CCDC148: variants seen among roughly 807,000 people sequenced by gnomAD.
CCDC148 encodes coiled-coil domain-containing protein 148.
In CCDC148, 89 loss-of-function variants were observed where a neutral mutation model predicts 85.7. The ratio of observed to expected loss-of-function variants is 1.04; its 90% CI spans 0.87 to 1.24. The LOEUF (loss-of-function observed/expected upper bound fraction) is 1.24, where lower values mean the gene tolerates loss of function less well. Ranked by LOEUF, CCDC148 falls within the 50% of genes most tolerant of loss-of-function variation. The pLI is 0.00. For missense variants in CCDC148, 692 were observed against 671.7 expected, an observed-to-expected ratio of 1.03 and a Z score of -0.33; for synonymous variants, 230 against 213.9, an observed-to-expected ratio of 1.08 and a Z score of -0.66.
chr2:158,407,644 CAAGGCTA>C (rs1185179749), intron 1 of CCDC148, among the ~76,000 whole-genome samples: 3 of 152,082 alleles, frequency 2.0e-5, no homozygotes, highest in Non-Finnish European at 4.4e-5. Flanking sequence ...AAGTTAAGGG[CAAGGCTA>C]AAATACTTAG....
At chr2:158,441,606 T>G (rs1687935193) in intron 1 of CCDC148, among the ~76,000 whole-genome samples, 1 of 152,228 alleles carries the variant, frequency 6.6e-6, no homozygotes, top group Admixed American at 6.5e-5. Flanking sequence ...TTCTTTGCTA[T>G]GTGACATCCT....
Position 158,194,715 on chromosome 2 carries a change from G to A in CCDC148, c.1371-15719C>T, listed in dbSNP as rs1558971789. On this transcript the variant is annotated intron_variant, in intron 11 of 13. Transcript: ENST00000283233. ...CCCAGCAACAACGAGATAGAAAATT[G>A]TTATAGTGACCAGCCCCTTGGATAT... Among the ~76,000 whole-genome samples the A allele has an allele frequency of 2.0e-5, 3 of 152,114 alleles. No homozygotes were observed. The South Asian group carries it at 6.2e-4, about 32-fold the overall frequency.
intron 1 of CCDC148, among the ~76,000 whole-genome samples, chr2:158,443,934 C>G (rs1386901459): frequency 6.6e-6 from 1 of 152,142 alleles, no homozygotes; most frequent in Non-Finnish European, 1.5e-5. Context: ...AAGCCATAGT[C>G]AATAGGTTGC....
chr2:158,216,304 ATT>A (rs1462945673), intron 11 of CCDC148, among the ~76,000 whole-genome samples: 5 of 150,732 alleles, frequency 3.3e-5, no homozygotes, highest in African/African-American at 1.2e-4. Context: ...TATTTAAAAT[ATT>A]TTTAAAAATA....
At chr2:158,229,381 A>G (rs1030473317) in intron 10 of CCDC148, among the ~76,000 whole-genome samples, 5 of 152,192 alleles carry the variant, frequency 3.3e-5, no homozygotes, top group African/African-American at 1.2e-4. Context: ...ATATTCAGCT[A>G]AAGTGTCTAA....
chr2:158,259,086 A>AT (rs369264831), intron 9 of CCDC148, among the ~76,000 whole-genome samples: 42 of 150,150 alleles, frequency 2.8e-4, no homozygotes, highest in African/African-American at 7.6e-4. Context: ...TGCACATGCC[A>AT]TTTTTTTTTC....
At chr2:158,318,344 T>C (rs1692372045) in intron 7 of CCDC148, among the ~76,000 whole-genome samples, 1 of 152,026 alleles carries the variant, frequency 6.6e-6, no homozygotes, top group South Asian at 2.1e-4. Context: ...ACAACCAGAA[T>C]AAAGTGAACT....
At chr2:158,289,923 T>C (rs892666594) in intron 9 of CCDC148, among the ~76,000 whole-genome samples, 1 of 152,202 alleles carries the variant, frequency 6.6e-6, no homozygotes, top group African/African-American at 2.4e-5. Flanking sequence ...CTTGATTCTA[T>C]TCACAGGAGT....
chr2:158,295,247 A>G (rs951048248), intron 9 of CCDC148, among the ~76,000 whole-genome samples: 6 of 151,984 alleles, frequency 3.9e-5, no homozygotes, highest in Admixed American at 6.5e-5. Flanking sequence ...TTACCAACCA[A>G]AAAGAATCCA....
At chr2:158,387,342 C>T (rs1685130981) in intron 1 of CCDC148, among the ~76,000 whole-genome samples, 2 of 150,676 alleles carry the variant, frequency 1.3e-5, no homozygotes, top group South Asian at 4.2e-4. Context: ...ATATCTCCAA[C>T]TGCAATACAA....
intron 9 of CCDC148, among the ~76,000 whole-genome samples, chr2:158,277,536 C>T (rs1439688594): frequency 6.6e-6 from 1 of 152,130 alleles, no homozygotes; most frequent in African/African-American, 2.4e-5. Context: ...GGAACTACAC[C>T]ATGTCATTTA....
At chr2:158,227,961 T>C (rs1457485640) in intron 10 of CCDC148, among the ~76,000 whole-genome samples, 3 of 152,044 alleles carry the variant, frequency 2.0e-5, no homozygotes, top group Non-Finnish European at 4.4e-5. Flanking sequence ...ACAAATGGGA[T>C]CTAATTAAAA....
chr2:158,208,548 G>A (rs1043328671), intron 11 of CCDC148, among the ~76,000 whole-genome samples: 2 of 152,120 alleles, frequency 1.3e-5, no homozygotes, highest in African/African-American at 4.8e-5. Context: ...TGGGCAGGGT[G>A]GCACGACAGG....
intron 1 of CCDC148, among the ~76,000 whole-genome samples, chr2:158,377,404 C>CAT (rs10641961): frequency 0.06 from 9,128 of 152,002 alleles, 540 homozygotes; most frequent in African/African-American, 0.15. Flanking sequence ...TGGTCAGTAA[C>CAT]ATGAAATAGT....
In CCDC148 at chr2:158,424,029, A is replaced by G. The variant is rs187524096; in HGVS notation, c.25+32386T>C. Among the ~76,000 whole-genome samples the G allele has an allele frequency of 6.9e-3, 1,044 of 152,318 alleles. 16 individuals are homozygous for G. Among genetic ancestry groups the G allele is most frequent in the African/African-American group, 0.023 (943 of 41,574 alleles). On this transcript the variant is annotated intron_variant, in intron 1 of 13. Transcript: ENST00000283233. ...AAACCACAATGAGATACTATCTCAC[A>G]CCAGTTAGAATGGTGATCATTAAAA...
intron 9 of CCDC148, among the ~76,000 whole-genome samples, chr2:158,308,899 C>A (rs1691826848): frequency 6.6e-6 from 1 of 152,224 alleles, no homozygotes; most frequent in Admixed American, 6.5e-5. Context: ...CTCCCCAAGC[C>A]ATCCTCAATC....
Position 158,456,566 on chromosome 2 carries a change from A to G in CCDC148, c.-127T>C. ...GCTGTTCCTACCTTTGACGCCAGGG[A>G]CAAACCCTACCAGGCACAGTTGGGA... On this transcript the variant is annotated 5_prime_UTR_variant, in exon 1 of 14. Transcript: ENST00000283233. 5.0e-6 allele frequency: 6 copies of G among 1,188,664 alleles called. No individual in the cohort carries two copies. Among genetic ancestry groups the G allele is most frequent in the Non-Finnish European group, 7.0e-6 (6 of 854,750 alleles). The allele number at this position is 1,188,664 out of a possible 1,614,324, so 73.6% of individuals were successfully genotyped here.
chr2:158,220,794 G>T, intron 10 of CCDC148, 81 bp from the exon 11 acceptor site: 1 of 1,058,662 alleles, frequency 9.4e-7, no homozygotes, highest in East Asian at 2.7e-5. Context: ...ATATCCACTG[G>T]TTCGTATTAC....
intron 1 of CCDC148, among the ~76,000 whole-genome samples, chr2:158,438,156 C>G (rs573025261): frequency 3.2e-4 from 48 of 152,022 alleles, no homozygotes; most frequent in Non-Finnish European, 5.6e-4. Context: ...AAAAAGAGCC[C>G]GCGTTGCCAA....
Sources: allele counts gnomAD v4.1 joint callset (sites outside exome capture counted in the v4.1 genomes callset), GRCh38; gene constraint gnomAD v4.1.1; transcripts MANE v1.5; gene names NCBI Gene and HGNC (gene_info 2026-07-23, HGNC 2026-07-21).